The following AGBL4 variants were observed in gnomAD, a reference collection of about 807,000 sequenced individuals.
The protein encoded by AGBL4 is cytosolic carboxypeptidase 6.
In AGBL4, 58 loss-of-function variants were observed where a neutral mutation model predicts 66.4. That is an observed-to-expected ratio of 0.87 (90% CI 0.71 to 1.09). The LOEUF (loss-of-function observed/expected upper bound fraction) is 1.09, where lower values mean the gene tolerates loss of function less well. Ranked by LOEUF, AGBL4 falls within the 50% of genes least tolerant of loss-of-function variation. AGBL4 has a pLI of 0.00. For missense variants in AGBL4, 579 were observed against 631.0 expected (o/e 0.92, Z 0.88); for synonymous variants, 234 against 222.9 (o/e 1.05, Z -0.44).
At chr1:49,797,794 A>G (rs886426832) in intron 2 of AGBL4, among the ~76,000 whole-genome samples, 18 of 151,104 alleles carry the variant, frequency 1.2e-4, no homozygotes, top group African/African-American at 4.4e-4. Flanking sequence ...TTTTTGAGAC[A>G]TAGTCTCACT....
At chr1:49,910,569 A>T (rs1650711279) in intron 1 of AGBL4, among the ~76,000 whole-genome samples, 1 of 152,270 alleles carries the variant, frequency 6.6e-6, no homozygotes, top group East Asian at 1.9e-4. Flanking sequence ...CAGGTGGTAT[A>T]ATCCAATATC....
chr1:49,575,638 C>T (rs1301035283), intron 3 of AGBL4, among the ~76,000 whole-genome samples: 1 of 152,156 alleles, frequency 6.6e-6, no homozygotes, highest in Non-Finnish European at 1.5e-5. Context: ...TAAGCTTAAC[C>T]AAGTGGCGAC....
chr1:49,472,991 A>G (rs1252014136), intron 3 of AGBL4, among the ~76,000 whole-genome samples: 1 of 152,084 alleles, frequency 6.6e-6, no homozygotes. Flanking sequence ...GCGGCAAAGA[A>G]CATTATTTCA....
chr1:48,986,751 T>C (rs1013050368), intron 5 of AGBL4, among the ~76,000 whole-genome samples: 1 of 152,048 alleles, frequency 6.6e-6, no homozygotes, highest in Non-Finnish European at 1.5e-5. Flanking sequence ...CATTTAACCA[T>C]ATGAAACAAT....
rs373398210 is a variant in AGBL4 at position 49,792,196 on chromosome 1, C to T, written c.157+59200G>A. 9.2e-4 allele frequency among the ~76,000 whole-genome samples: 140 copies of T among 151,934 alleles called. 1 individual carries two copies. In the South Asian group the frequency reaches 0.027, roughly 29 times the overall value. On this transcript the variant is annotated intron_variant, in intron 2 of 13. Transcript: ENST00000371839. ...AGTTTGAGAGAATTCCCACTAGCTT[C>T]GGGGGAGCCATGTTTATGGATCAGC...
At chr1:50,020,229 C>G (rs1056655772) in intron 1 of AGBL4, among the ~76,000 whole-genome samples, 1 of 152,016 alleles carries the variant, frequency 6.6e-6, no homozygotes, top group Non-Finnish European at 1.5e-5. Context: ...GAAGAAAAAA[C>G]AGAATTTCTT....
intron 9 of AGBL4, among the ~76,000 whole-genome samples, chr1:48,630,573 A>C (rs1645576970): frequency 1.3e-5 from 2 of 151,028 alleles, no homozygotes; most frequent in Non-Finnish European, 3.0e-5. Context: ...TTACCTCTAG[A>C]CTCCTCTTCT....
rs191910845 is a variant in AGBL4, at chr1:49,020,009, T to C, written c.594+25575A>G. ...TTCAGTAAATGTTAGCTTTGGTTTA[T>C]ATTACCCCTGACAAATACCCTGAAA... On this transcript the variant is annotated intron_variant, in intron 5 of 13. Coordinates refer to ENST00000371839, the MANE Select transcript of AGBL4 (RefSeq NM_032785.4). 3.9e-5 allele frequency among the ~76,000 whole-genome samples: 6 copies of C among 152,296 alleles called. No homozygotes were observed. The East Asian group carries it at 1.2e-3, about 29-fold the overall frequency.
At chr1:49,882,979 A>G (rs912835581) in intron 1 of AGBL4, among the ~76,000 whole-genome samples, 1 of 152,194 alleles carries the variant, frequency 6.6e-6, no homozygotes, top group African/African-American at 2.4e-5. Context: ...ATGTGAGCTT[A>G]GTACCTACCT....
At chr1:48,735,958 G>T (rs1328199045) in intron 6 of AGBL4, among the ~76,000 whole-genome samples, 1 of 152,020 alleles carries the variant, frequency 6.6e-6, no homozygotes, top group African/African-American at 2.4e-5. Context: ...TCCAGCTAAG[G>T]GTATCCTCCC....
chr1:49,071,582 A>C (rs1557615908), intron 4 of AGBL4, among the ~76,000 whole-genome samples: 1 of 151,870 alleles, frequency 6.6e-6, no homozygotes, highest in Non-Finnish European at 1.5e-5. Flanking sequence ...CCTGAGTTCT[A>C]ATTTGATTGC....
chr1:49,528,959 C>A (rs1014310838), intron 3 of AGBL4, among the ~76,000 whole-genome samples: 2 of 151,974 alleles, frequency 1.3e-5, no homozygotes, highest in African/African-American at 4.8e-5. Flanking sequence ...AAGTCTTGTA[C>A]ATTAAGCTCT....
At chr1:48,681,712 G>A (rs765013976) in intron 6 of AGBL4, among the ~76,000 whole-genome samples, 5 of 152,132 alleles carry the variant, frequency 3.3e-5, no homozygotes, top group Non-Finnish European at 5.9e-5. Context: ...CAGTAGACCC[G>A]GTCCAGGGAC....
intron 3 of AGBL4, among the ~76,000 whole-genome samples, chr1:49,671,814 T>C (rs1262062353): frequency 6.6e-6 from 1 of 152,042 alleles, no homozygotes. Context: ...AAATGGCTAC[T>C]AATTAAAAGT....
At chr1:49,372,519 A>AT (rs1408526099) in intron 3 of AGBL4, among the ~76,000 whole-genome samples, 1 of 151,758 alleles carries the variant, frequency 6.6e-6, no homozygotes, top group East Asian at 1.9e-4. Context: ...CTTACCTTCT[A>AT]TTTTCCCTGC....
At chr1:49,669,443 G>C (rs912381761) in intron 3 of AGBL4, among the ~76,000 whole-genome samples, 1 of 152,128 alleles carries the variant, frequency 6.6e-6, no homozygotes, top group Admixed American at 6.6e-5. Flanking sequence ...AAGTTCAAAT[G>C]CCAGTGTGTG....
chr1:49,242,608 G>A (rs1651324376), intron 4 of AGBL4, among the ~76,000 whole-genome samples: 1 of 151,932 alleles, frequency 6.6e-6, no homozygotes, highest in Non-Finnish European at 1.5e-5. Context: ...TGAGTTATGA[G>A]ACTTGGATAC....
intron 4 of AGBL4, among the ~76,000 whole-genome samples, chr1:49,137,360 T>C (rs1489707551): frequency 6.6e-6 from 1 of 152,056 alleles, no homozygotes. Flanking sequence ...TACAAGATGA[T>C]GTTGATGTGG....
At chr1:50,008,486 A>G (rs952285138) in intron 1 of AGBL4, among the ~76,000 whole-genome samples, 3 of 152,094 alleles carry the variant, frequency 2.0e-5, no homozygotes, top group Non-Finnish European at 4.4e-5. Flanking sequence ...AAAACATAAC[A>G]TACCAAAACC....
Sources: gnomAD v4.1 joint callset for allele counts (sites outside exome capture counted in the v4.1 genomes callset) on GRCh38, gnomAD v4.1.1 for gene constraint, MANE v1.5 for transcripts, NCBI Gene and HGNC (gene_info 2026-07-23, HGNC 2026-07-21) for gene names.